The following DPP6 variants were observed in gnomAD, a reference collection of about 807,000 sequenced individuals.
DPP6 encodes the protein dipeptidyl peptidase like 6.
DPP6 carries 69 observed loss-of-function variants against 122.6 expected under a neutral mutation model. The observed-to-expected ratio is 0.56, with a 90% CI of 0.46 to 0.69. The LOEUF (loss-of-function observed/expected upper bound fraction) is 0.69. DPP6 is among the 30% of genes least tolerant of loss of function. The probability of loss-of-function intolerance (pLI) is 0.00; values close to 1 mark genes in which losing one functional copy is unlikely to be tolerated. For synonymous variants in DPP6, 418 were observed against 433.1 expected (o/e 0.97, Z 0.43); for missense variants, 928 against 1,116.9 (o/e 0.83, Z 2.41).
At position 154,196,717 on chromosome 7, in the gene DPP6, C is replaced by G. The variant is rs114874483; in HGVS notation, c.243+143654C>G. On this transcript the variant is annotated intron_variant, in intron 1 of 25. Transcript: ENST00000377770. ...TTGACTTAGATTAACCTGAAAACATCGATGTCATCATCCCTCAGCCCTGCT... is the reference window on the plus strand; with the variant it reads ...TTGACTTAGATTAACCTGAAAACATGGATGTCATCATCCCTCAGCCCTGCT... Among the ~76,000 whole-genome samples the G allele has an allele frequency of 5.7e-3, 875 of 152,246 alleles. 5 individuals are homozygous for G. The highest frequency in any genetic ancestry group is 0.015 in the African/African-American group (604 of 41,550).
intron 1 of DPP6, among the ~76,000 whole-genome samples, chr7:153,906,391 C>G (rs1006084214): frequency 3.9e-5 from 6 of 152,284 alleles, no homozygotes; most frequent in Middle Eastern, 6.8e-3. Flanking sequence ...TATTATTGCA[C>G]TCTATACGTT....
rs1444102599 is a variant in DPP6, at chr7:154,241,219, G to GTGTGTATATA, written c.243+188157_243+188158insGTGTATATAT. ...TGTGTGTGTGTGTGTGTGTGTGTGT[G>GTGTGTATATA]TATATATATATAGAGAGAGAGAGAG... On this transcript the variant is annotated intron_variant, in intron 1 of 25. Transcript: ENST00000377770. The surrounding 1 kb of genome is among the most constrained non-coding windows in gnomAD (Gnocchi z 9.0). Among the ~76,000 whole-genome samples the GTGTGTATATA allele has an allele frequency of 2.1e-5, 3 of 142,806 alleles. No individual in the cohort carries two copies. The highest frequency in any genetic ancestry group is 6.8e-5 in the Admixed American group (1 of 14,622). The allele number at this position is 142,806 out of a possible 152,430, so 93.7% of individuals were successfully genotyped here.
In DPP6 at chr7:154,481,344, GGGGTGTGTGT is replaced by G. The variant is rs1316845391; in HGVS notation, c.457+6309_457+6318del. Among the ~76,000 whole-genome samples, 2 of 30,804 alleles carry G rather than the reference GGGGTGTGTGT, an allele frequency of 6.5e-5. No homozygotes were observed. The highest frequency in any genetic ancestry group is 2.6e-4 in the Non-Finnish European group (2 of 7,804). The allele number at this position is 30,804 out of a possible 152,430, so 20.2% of individuals were successfully genotyped here. A position where few individuals can be genotyped will look rare whatever the true frequency, so the allele number is the denominator to read the frequency against. On this transcript the variant is annotated intron_variant, in intron 3 of 25. Transcript: ENST00000377770. This position sits in a 1 kb window ranked among gnomAD's most constrained non-coding sequence, Gnocchi z 4.2. ...CTATACACTTGGAGAGAGAGAGAGA[GGGGTGTGTGT>G]GTGTGTGTGTGTGTGTGTGTCTGTG... is the stretch of plus-strand genomic sequence containing the variant.
chr7:153,982,758 C>T (rs1796652307), intron 1 of DPP6, among the ~76,000 whole-genome samples: 1 of 152,148 alleles, frequency 6.6e-6, no homozygotes, highest in Admixed American at 6.5e-5. Context: ...TATGTCGATG[C>T]TATTCCTTTC....
At chr7:154,732,714 G>A (rs1004723014) in intron 8 of DPP6, among the ~76,000 whole-genome samples, 1 of 152,160 alleles carries the variant, frequency 6.6e-6, no homozygotes, top group Non-Finnish European at 1.5e-5. Flanking sequence ...AAATTCCAGG[G>A]CTGGATTTTC....
At chr7:153,960,066 C>A in intron 1 of DPP6, among the ~76,000 whole-genome samples, 1 of 152,006 alleles carries the variant, frequency 6.6e-6, no homozygotes, top group East Asian at 1.9e-4. Context: ...CATTTGGAGC[C>A]AAATCAAGCA....
In DPP6 at chr7:154,224,351, AAAAT is replaced by A. The variant is rs746508888; in HGVS notation, c.243+171292_243+171295del. 6.6e-4 allele frequency among the ~76,000 whole-genome samples: 99 copies of A among 148,976 alleles called. 2 individuals are homozygous for A. The highest frequency in any genetic ancestry group is 1.1e-3 in the Non-Finnish European group (73 of 67,890). Reference sequence around the variant, plus strand: ...ATATAAAAAAATCAAATAATACAATAAAATAAAATCCATGTGGCAAGGTGACCCA... The same window carrying A: ...ATATAAAAAAATCAAATAATACAATAAAAATCCATGTGGCAAGGTGACCCA... On this transcript the variant is annotated intron_variant, in intron 1 of 25. Coordinates refer to ENST00000377770, the MANE Select transcript of DPP6 (RefSeq NM_130797.4).
At chr7:154,816,533 G>T (rs970228453) in intron 16 of DPP6, among the ~76,000 whole-genome samples, 1 of 152,162 alleles carries the variant, frequency 6.6e-6, no homozygotes, top group Admixed American at 6.5e-5. Flanking sequence ...AGGCTGTTTT[G>T]AAGATTAACC....
At chr7:154,231,985 TAGG>T (rs1413852480) in intron 1 of DPP6, among the ~76,000 whole-genome samples, 3 of 152,186 alleles carry the variant, frequency 2.0e-5, no homozygotes, top group Non-Finnish European at 2.9e-5. Flanking sequence ...TGCCGTGTGA[TAGG>T]AGCCACCTGG....
intron 7 of DPP6, among the ~76,000 whole-genome samples, chr7:154,703,936 CAAAA>C (rs201268829): frequency 8.1e-6 from 1 of 122,718 alleles, no homozygotes; most frequent in African/African-American, 3.1e-5. Flanking sequence ...GACTCTGTCT[CAAAA>C]AAAAAAAAAA....
At chr7:154,074,863 A>T (rs915772760) in intron 1 of DPP6, among the ~76,000 whole-genome samples, 4 of 151,568 alleles carry the variant, frequency 2.6e-5, no homozygotes, top group African/African-American at 9.7e-5. Context: ...CAAGAGATGC[A>T]TGTGTTGTCA....
chr7:154,588,972 G>A (rs144406662), intron 5 of DPP6, among the ~76,000 whole-genome samples: 1 of 152,318 alleles, frequency 6.6e-6, no homozygotes, highest in African/African-American at 2.4e-5. Context: ...CATCACCTGA[G>A]TATTTGTTCC....
chr7:154,361,762 T>TA (rs1811745899), intron 1 of DPP6, among the ~76,000 whole-genome samples: 1 of 152,250 alleles, frequency 6.6e-6, no homozygotes, highest in East Asian at 1.9e-4. Flanking sequence ...GGCATACACT[T>TA]ACACTTATAA....
chr7:154,395,944 G>A (rs945132773), intron 1 of DPP6, among the ~76,000 whole-genome samples: 1 of 71,594 alleles, frequency 1.4e-5, no homozygotes, highest in African/African-American at 3.1e-5. Context: ...CTAATTTCTT[G>A]AGTTTTTTTT....
intron 21 of DPP6, chr7:154,884,901 C>T (rs1235852946): frequency 6.6e-6 from 1 of 152,508 alleles, no homozygotes; most frequent in African/African-American, 2.4e-5. Flanking sequence ...ATATCACACA[C>T]ACACACCCCC....
At chr7:154,220,216 A>C (rs1800225585) in intron 1 of DPP6, among the ~76,000 whole-genome samples, 1 of 152,166 alleles carries the variant, frequency 6.6e-6, no homozygotes, top group African/African-American at 2.4e-5. Flanking sequence ...TAATGGGATT[A>C]AGCCCCTTAT....
rs915838230 is a variant in DPP6, at chr7:154,812,752, C to T, written c.1666+5640C>T. On this transcript the variant is annotated intron_variant, in intron 16 of 25. Transcript: ENST00000377770. ...ATTGTAATCATAGCTGATTGTAGCT[C>T]ATCAGTTGTTTGCAAACAGTATTTC... Among the ~76,000 whole-genome samples, 5 of 152,252 alleles carry T rather than the reference C, an allele frequency of 3.3e-5. No homozygotes were observed. In the East Asian group the frequency reaches 7.7e-4, roughly 24 times the overall value.
chr7:154,422,496 G>T (rs1436598563), intron 1 of DPP6, among the ~76,000 whole-genome samples: 2 of 152,054 alleles, frequency 1.3e-5, no homozygotes, highest in Non-Finnish European at 2.9e-5. Flanking sequence ...GCTAATAAGG[G>T]CAATGATCAC....
chr7:154,322,555 A>G (rs1487485682), intron 1 of DPP6, among the ~76,000 whole-genome samples: 6 of 152,206 alleles, frequency 3.9e-5, no homozygotes, highest in Non-Finnish European at 1.5e-5. Flanking sequence ...GAAGATTACA[A>G]ATACTGTGAG....
Sources: gnomAD v4.1 joint callset for allele counts (sites outside exome capture counted in the v4.1 genomes callset) on GRCh38, gnomAD v4.1.1 for gene constraint, Gnocchi (gnomAD v3.1) non-coding constraint, MANE v1.5 for transcripts, NCBI Gene and HGNC (gene_info 2026-07-23, HGNC 2026-07-21) for gene names.